Variants in MYO16 observed in about 807,000 individuals in gnomAD.
The protein encoded by MYO16 is myosin XVI, also known as unconventional myosin-XVI.
In MYO16, 94 loss-of-function variants were observed where a neutral mutation model predicts 205.3. That is an observed-to-expected ratio of 0.46 (90% CI 0.39 to 0.54). The LOEUF is 0.54. Among genes scored for constraint, MYO16 ranks in the 20% least tolerant of loss-of-function variants. The pLI is 0.00. For synonymous variants in MYO16, 988 were observed against 954.0 expected (o/e 1.04, Z -0.66); for missense variants, 2,315 against 2,387.5 (o/e 0.97, Z 0.63).
intron 1 of MYO16, among the ~76,000 whole-genome samples, chr13:108,657,253 G>A (rs531891723): frequency 1.3e-5 from 2 of 152,226 alleles, no homozygotes; most frequent in Non-Finnish European, 2.9e-5. Context: ...CTGTGTTTGT[G>A]TAGAGCTTTT....
rs759784407 is a variant in MYO16, at chr13:108,646,423, T to C, written c.28+16551T>C. 8.7e-4 allele frequency among the ~76,000 whole-genome samples: 133 copies of C among 152,188 alleles called. 1 individual carries two copies. Among genetic ancestry groups the C allele is most frequent in the Non-Finnish European group, 1.5e-3 (101 of 68,032 alleles). On this transcript the variant is annotated intron_variant, in intron 1 of 34. Transcript: ENST00000457511. ...AAATTGTTGTATTAAAGGGTAGTAA[T>C]CAAAGTTATGGAAAAAAATCTGTTA...
intron 6 of MYO16, among the ~76,000 whole-genome samples, chr13:108,796,974 A>G (rs186459894): frequency 1.0e-3 from 153 of 152,300 alleles, no homozygotes; most frequent in African/African-American, 3.5e-3. Context: ...ACTGAAAAGG[A>G]CAGGGGTAAA....
In MYO16 at chr13:108,833,575, C is replaced by G. The variant is rs574346806; in HGVS notation, c.1097+10297C>G. ...TTGTCCTCATGTATCTCAATAGATT[C>G]CATTTTATTTCATCTCTATGGTTTT... On this transcript the variant is annotated intron_variant, in intron 9 of 34. Transcript: ENST00000457511. Among the ~76,000 whole-genome samples the G allele has an allele frequency of 2.6e-5, 4 of 152,168 alleles. No homozygotes were observed. The South Asian group carries it at 8.3e-4, about 32-fold the overall frequency.
intron 2 of MYO16, among the ~76,000 whole-genome samples, chr13:108,674,676 C>T (rs191457897): frequency 1.7e-4 from 26 of 152,246 alleles, no homozygotes; most frequent in East Asian, 1.4e-3. Context: ...GATCCATATA[C>T]GCATTTTTAA....
chr13:109,003,733 A>G (rs1169785303), intron 21 of MYO16, among the ~76,000 whole-genome samples: 2 of 152,228 alleles, frequency 1.3e-5, no homozygotes, highest in African/African-American at 4.8e-5. Flanking sequence ...GAAAAAAACA[A>G]TTACAGTATC....
intron 1 of MYO16, among the ~76,000 whole-genome samples, chr13:108,616,387 C>T (rs1208027060): frequency 1.3e-5 from 2 of 152,076 alleles, no homozygotes; most frequent in Admixed American, 6.6e-5. Flanking sequence ...CCTGGGGATT[C>T]GAATTCCTTC....
intron 4 of MYO16, among the ~76,000 whole-genome samples, chr13:108,741,744 C>T (rs1428791638): frequency 6.6e-6 from 1 of 152,080 alleles, no homozygotes; most frequent in Non-Finnish European, 1.5e-5. Flanking sequence ...TTAAACAAAA[C>T]TATTGACACT....
At chr13:109,149,113 A>T (rs1479755018) in intron 32 of MYO16, among the ~76,000 whole-genome samples, 1 of 152,208 alleles carries the variant, frequency 6.6e-6, no homozygotes, top group African/African-American at 2.4e-5. Context: ...CTTCTGTCAC[A>T]TAGGAATTCA....
At chr13:109,168,666 A>C (rs1197894452) in intron 33 of MYO16, among the ~76,000 whole-genome samples, 1 of 152,206 alleles carries the variant, frequency 6.6e-6, no homozygotes, top group Non-Finnish European at 1.5e-5. Flanking sequence ...CGGAGTTTGC[A>C]GTGAGCCCTG....
intron 32 of MYO16, among the ~76,000 whole-genome samples, chr13:109,156,726 T>C (rs537475419): frequency 6.6e-6 from 1 of 152,216 alleles, no homozygotes; most frequent in Admixed American, 6.5e-5. Flanking sequence ...TGCCACACAG[T>C]CCTGCCCTCT....
chr13:109,117,346 A>G (rs1875743770), intron 28 of MYO16, among the ~76,000 whole-genome samples: 1 of 134,574 alleles, frequency 7.4e-6, no homozygotes, highest in African/African-American at 3.3e-5. Context: ...TCTTCAGGAG[A>G]TGCAAATATA....
At chr13:109,119,752 G>A (rs1255991541) in intron 28 of MYO16, among the ~76,000 whole-genome samples, 1 of 152,140 alleles carries the variant, frequency 6.6e-6, no homozygotes, top group Non-Finnish European at 1.5e-5. Context: ...TTCTGGAAAA[G>A]TATGTTCATC....
At chr13:108,962,355 A>G in intron 18 of MYO16, 69 bp from the exon 19 acceptor site, 1 of 1,286,710 alleles carries the variant, frequency 7.8e-7, no homozygotes, top group South Asian at 1.3e-5. Context: ...AATTATGGCC[A>G]TAAAATTCAA....
At chr13:108,877,961 G>A (rs1048505805) in intron 12 of MYO16, among the ~76,000 whole-genome samples, 1 of 152,120 alleles carries the variant, frequency 6.6e-6, no homozygotes, top group South Asian at 2.1e-4. Flanking sequence ...GCTCATATCT[G>A]GGATTTAAAT....
Position 109,141,356 on chromosome 13 carries a change from G to A in MYO16, c.5144G>A (p.Arg1715Lys). Reference sequence around the variant, plus strand: ...GTGCTTCGGAAATCCGCGGCGGGAAGAAAAATCAGGGAAGCAGAAGGTAAG... The same window carrying A: ...GTGCTTCGGAAATCCGCGGCGGGAAAAAAAATCAGGGAAGCAGAAGGTAAG... ...RSVLRKSAAG[R>K]KIREAEGFET... is the part of the protein sequence containing the mutation. The change falls in exon 32 of 35, where the codon AGA (arginine) becomes AAA (lysine). Residue 1715 changes from arginine to lysine, a missense_variant. Around this residue, in one of 3 missense-constraint regions of MYO16, gnomAD observed 1,097 missense variants for 1,092.0 expected, o/e 1.00. Coordinates refer to ENST00000457511, the MANE Select transcript of MYO16 (RefSeq NM_001198950.3). This position sits in a 1 kb window ranked among gnomAD's most constrained non-coding sequence, Gnocchi z 4.1. 1.3e-6 allele frequency: 2 copies of A among 1,543,480 alleles called. No homozygotes were observed. The highest frequency in any genetic ancestry group is 1.4e-5 in the African/African-American group (1 of 70,822).
intron 23 of MYO16, among the ~76,000 whole-genome samples, chr13:109,038,659 A>T (rs1886788925): frequency 6.6e-6 from 1 of 152,124 alleles, no homozygotes; most frequent in Non-Finnish European, 1.5e-5. Context: ...AACCCTGATG[A>T]ATACAAAGCT....
Position 109,203,678 on chromosome 13 carries a change from T to C in MYO16, c.5416-2931T>C, listed in dbSNP as rs180995986. ...TGTTTCAGAGCTCCCAGCCTGACTC[T>C]GCAGCCTTGTGCCCCACACACTTTC... On this transcript the variant is annotated intron_variant, in intron 34 of 34. Coordinates refer to ENST00000457511, the MANE Select transcript of MYO16 (RefSeq NM_001198950.3). Among the ~76,000 whole-genome samples, 368 of 152,316 alleles carry C rather than the reference T, an allele frequency of 2.4e-3. 2 individuals carry two copies. Among genetic ancestry groups the C allele is most frequent in the African/African-American group, 8.5e-3 (353 of 41,566 alleles).
chr13:109,085,444 G>A (rs1034530615), intron 27 of MYO16, among the ~76,000 whole-genome samples: 10 of 152,136 alleles, frequency 6.6e-5, no homozygotes, highest in Admixed American at 1.3e-4. Context: ...GTAGGGAGGC[G>A]GAGAGAGGGC....
chr13:109,196,920 T>C (rs1031242366), intron 34 of MYO16, among the ~76,000 whole-genome samples: 3 of 152,244 alleles, frequency 2.0e-5, no homozygotes, highest in African/African-American at 4.8e-5. Flanking sequence ...ATTTTGTTTT[T>C]AAAGACATTA....
Sources: allele counts gnomAD v4.1 joint callset (sites outside exome capture counted in the v4.1 genomes callset), GRCh38; gene constraint gnomAD v4.1.1; regional missense constraint gnomAD v4.1.1; non-coding constraint Gnocchi (gnomAD v3.1); transcripts MANE v1.5; gene names NCBI Gene and HGNC (gene_info 2026-07-23, HGNC 2026-07-21).